Variants in CACNA2D3 observed in about 807,000 individuals in gnomAD.
The protein encoded by CACNA2D3 is voltage-dependent calcium channel subunit alpha-2/delta-3.
Under a neutral mutation model 160.6 loss-of-function variants are expected in CACNA2D3, and 60 were observed. The observed-to-expected ratio is 0.37, with a 90% confidence interval of 0.30 to 0.46. The LOEUF is 0.46. Ranked by LOEUF, CACNA2D3 falls within the 20% of genes least tolerant of loss-of-function variation. The probability of loss-of-function intolerance (pLI) is 1.00; values close to 1 mark genes in which losing one functional copy is unlikely to be tolerated. For synonymous variants in CACNA2D3, 558 were observed against 492.9 expected, an observed-to-expected ratio of 1.13 and a Z score of -1.75; for missense variants, 1,205 against 1,365.0, an observed-to-expected ratio of 0.88 and a Z score of 1.85.
At chr3:54,496,850 T>A (rs1701211033) in intron 4 of CACNA2D3, among the ~76,000 whole-genome samples, 1 of 152,152 alleles carries the variant, frequency 6.6e-6, no homozygotes, top group Admixed American at 6.5e-5. Flanking sequence ...TTTAGTCATT[T>A]GCTTCAGCAC....
intron 11 of CACNA2D3, among the ~76,000 whole-genome samples, chr3:54,705,058 G>A (rs752091647): frequency 2.6e-5 from 4 of 151,908 alleles, no homozygotes; most frequent in African/African-American, 4.8e-5. Context: ...TCATCTGCAC[G>A]GGTCTTCCTG....
chr3:54,446,668 T>A (rs1700226382), intron 4 of CACNA2D3, among the ~76,000 whole-genome samples: 1 of 152,152 alleles, frequency 6.6e-6, no homozygotes, highest in African/African-American at 2.4e-5. Flanking sequence ...ATGATGGGAT[T>A]CCTAAATGAC....
chr3:54,427,068 C>T (rs532366486), intron 4 of CACNA2D3, among the ~76,000 whole-genome samples: 3 of 151,810 alleles, frequency 2.0e-5, no homozygotes, highest in African/African-American at 4.8e-5. Context: ...TTATGTTCTG[C>T]GTACCCTTTC....
At chr3:54,454,369 G>C (rs923520827) in intron 4 of CACNA2D3, among the ~76,000 whole-genome samples, 2 of 151,998 alleles carry the variant, frequency 1.3e-5, no homozygotes, top group Non-Finnish European at 2.9e-5. Context: ...TTGTACCCCG[G>C]TGTAGTCAGT....
chr3:54,234,332 A>G (rs1701834276), intron 2 of CACNA2D3, among the ~76,000 whole-genome samples: 1 of 152,150 alleles, frequency 6.6e-6, no homozygotes, highest in Non-Finnish European at 1.5e-5. Context: ...AAAGCCAAAA[A>G]CCAAAAAACA....
intron 11 of CACNA2D3, among the ~76,000 whole-genome samples, chr3:54,738,161 C>T (rs1220661347): frequency 6.6e-6 from 1 of 152,186 alleles, no homozygotes; most frequent in Non-Finnish European, 1.5e-5. Flanking sequence ...TTTGTTTCTC[C>T]ACTCCATGTT....
chr3:54,283,686 A>G (rs1395494914), intron 2 of CACNA2D3, among the ~76,000 whole-genome samples: 1 of 152,218 alleles, frequency 6.6e-6, no homozygotes, highest in African/African-American at 2.4e-5. Context: ...CTGGTGAATC[A>G]CATTCCCTTT....
chr3:54,303,672 G>A (rs901406004), intron 2 of CACNA2D3, among the ~76,000 whole-genome samples: 1 of 152,250 alleles, frequency 6.6e-6, no homozygotes, highest in Admixed American at 6.5e-5. Context: ...CTCAGGAGCC[G>A]TTGTGAGAAG....
chr3:54,650,365 A>T (rs1180988666), intron 11 of CACNA2D3, among the ~76,000 whole-genome samples: 1 of 149,770 alleles, frequency 6.7e-6, no homozygotes, highest in Non-Finnish European at 1.5e-5. Flanking sequence ...ACACCTGGCT[A>T]ATTTTCTTTA....
intron 4 of CACNA2D3, among the ~76,000 whole-genome samples, chr3:54,406,909 A>G (rs1312492891): frequency 6.6e-6 from 1 of 152,086 alleles, no homozygotes; most frequent in Non-Finnish European, 1.5e-5. Flanking sequence ...CTGTATATAT[A>G]TATTATACTT....
At chr3:54,664,929 T>TAC (rs1700036693) in intron 11 of CACNA2D3, among the ~76,000 whole-genome samples, 1 of 152,228 alleles carries the variant, frequency 6.6e-6, no homozygotes, top group African/African-American at 2.4e-5. Context: ...CCATGCAGGC[T>TAC]ATGTAGAGAA....
At chr3:54,933,882 C>T (rs1391182734) in intron 27 of CACNA2D3, among the ~76,000 whole-genome samples, 3 of 151,934 alleles carry the variant, frequency 2.0e-5, no homozygotes, top group Admixed American at 6.6e-5. Context: ...AATTCTCCTG[C>T]CTCAGCCTCC....
At chr3:54,554,046 C>G (rs1327744649) in intron 5 of CACNA2D3, among the ~76,000 whole-genome samples, 1 of 152,324 alleles carries the variant, frequency 6.6e-6, no homozygotes, top group South Asian at 2.1e-4. Context: ...CTCGCCAAGA[C>G]ACCAGATTCT....
At chr3:54,297,016 G>A (rs1316226690) in intron 2 of CACNA2D3, among the ~76,000 whole-genome samples, 1 of 152,058 alleles carries the variant, frequency 6.6e-6, no homozygotes, top group Non-Finnish European at 1.5e-5. Flanking sequence ...TTTGATCCAG[G>A]TCTCAGAATT....
chr3:54,497,233 T>C (rs1701216151), intron 4 of CACNA2D3, among the ~76,000 whole-genome samples: 1 of 151,972 alleles, frequency 6.6e-6, no homozygotes, highest in Non-Finnish European at 1.5e-5. Flanking sequence ...CTCCAATTTT[T>C]GAGCAAGCTA....
intron 4 of CACNA2D3, among the ~76,000 whole-genome samples, chr3:54,403,426 A>G (rs1384734877): frequency 6.6e-6 from 1 of 151,954 alleles, no homozygotes; most frequent in African/African-American, 2.4e-5. Context: ...ATCTTGAGAC[A>G]AAAGGTAGTG....
chr3:54,988,787 A>T (rs1287366102), intron 31 of CACNA2D3, among the ~76,000 whole-genome samples: 1 of 152,238 alleles, frequency 6.6e-6, no homozygotes, highest in Non-Finnish European at 1.5e-5. Context: ...TTGAAATTCC[A>T]TAGCTTGTTT....
chr3:55,017,289 A>G (rs1339310496), intron 34 of CACNA2D3, among the ~76,000 whole-genome samples: 3 of 152,204 alleles, frequency 2.0e-5, no homozygotes, highest in Non-Finnish European at 4.4e-5. Flanking sequence ...CGCTAGAAGT[A>G]GCAAAGCAGG....
chr3:54,860,279 G>A (rs1001657555), intron 17 of CACNA2D3, among the ~76,000 whole-genome samples: 1 of 152,202 alleles, frequency 6.6e-6, no homozygotes, highest in Non-Finnish European at 1.5e-5. Flanking sequence ...GTGAAGAGGT[G>A]TAGAGATTTT....
Sources: allele counts gnomAD v4.1 joint callset (sites outside exome capture counted in the v4.1 genomes callset), GRCh38; gene constraint gnomAD v4.1.1; transcripts MANE v1.5; gene names NCBI Gene and HGNC (gene_info 2026-07-23, HGNC 2026-07-21).